Variants in TNR observed in about 807,000 individuals in gnomAD.
TNR encodes tenascin-R.
Under a neutral mutation model 150.4 loss-of-function variants are expected in TNR, and 45 were observed. The observed-to-expected ratio is 0.30, with a 90% CI of 0.24 to 0.38. The LOEUF is 0.38. TNR is among the 10% of genes least tolerant of loss of function. The probability of loss-of-function intolerance (pLI) is 1.00; values close to 1 mark genes in which losing one functional copy is unlikely to be tolerated. For synonymous variants in TNR, 687 were observed against 678.4 expected, an observed-to-expected ratio of 1.01 and a Z score of -0.20; for missense variants, 1,544 against 1,759.1, an observed-to-expected ratio of 0.88 and a Z score of 2.19.
At chr1:175,673,430 G>A (rs938527700) in intron 1 of TNR, among the ~76,000 whole-genome samples, 1 of 152,162 alleles carries the variant, frequency 6.6e-6, no homozygotes, top group African/African-American at 2.4e-5. Flanking sequence ...GAATGTAGAA[G>A]CATTCAGAGG....
At chr1:175,652,866 G>A (rs1468771746) in intron 1 of TNR, among the ~76,000 whole-genome samples, 2 of 152,186 alleles carry the variant, frequency 1.3e-5, no homozygotes, top group African/African-American at 4.8e-5. Context: ...AGAAAAGTGA[G>A]AAAAAGCTGT....
At chr1:175,337,211 GA>G (rs1289210729) in intron 19 of TNR, among the ~76,000 whole-genome samples, 3 of 152,314 alleles carry the variant, frequency 2.0e-5, no homozygotes, top group African/African-American at 7.2e-5. Flanking sequence ...TGCTTTATTA[GA>G]GATGCATTTC....
intron 1 of TNR, among the ~76,000 whole-genome samples, chr1:175,537,337 C>G (rs1021238623): frequency 1.3e-5 from 2 of 152,154 alleles, no homozygotes; most frequent in African/African-American, 4.8e-5. Flanking sequence ...CCCTTCCTTG[C>G]CCGGGTGTGG....
At chr1:175,386,735 A>T (rs1652954490) in intron 7 of TNR, among the ~76,000 whole-genome samples, 1 of 152,194 alleles carries the variant, frequency 6.6e-6, no homozygotes, top group African/African-American at 2.4e-5. Flanking sequence ...TAAACATCCA[A>T]GACTTCCAGA....
At chr1:175,424,520 G>C (rs759551430) in intron 2 of TNR, among the ~76,000 whole-genome samples, 17 of 152,222 alleles carry the variant, frequency 1.1e-4, no homozygotes, top group Non-Finnish European at 1.8e-4. Context: ...GGGGCATTTT[G>C]TTTGGTCCTG....
chr1:175,497,851 G>A lies in TNR; in HGVS notation c.-64+30418C>T, dbSNP rs555421254. On this transcript the variant is annotated intron_variant, in intron 2 of 22. Transcript: ENST00000367674. ...GAGGTGGGCAGATCATCTTAGGTCA[G>A]GAGTTTGAGACCAGCCTGGCCAACA... Among the ~76,000 whole-genome samples, 6 of 152,268 alleles carry A rather than the reference G, an allele frequency of 3.9e-5. No individual in the cohort carries two copies. In the South Asian group the frequency reaches 1.2e-3, roughly 32 times the overall value.
chr1:175,500,766 C>A (rs898189102), intron 2 of TNR, among the ~76,000 whole-genome samples: 13 of 152,212 alleles, frequency 8.5e-5, no homozygotes, highest in African/African-American at 3.1e-4. Flanking sequence ...TCTCCCTGTT[C>A]AAAGGGGCTG....
intron 1 of TNR, among the ~76,000 whole-genome samples, chr1:175,668,855 C>G (rs1665607583): frequency 6.6e-6 from 1 of 152,202 alleles, no homozygotes; most frequent in East Asian, 1.9e-4. Context: ...GATATGTACT[C>G]AGATCTGTTT....
At chr1:175,447,120 C>G (rs185836041) in intron 2 of TNR, among the ~76,000 whole-genome samples, 1 of 151,860 alleles carries the variant, frequency 6.6e-6, no homozygotes, top group Admixed American at 6.6e-5. Flanking sequence ...ACACTGCCCC[C>G]GGGACACAAG....
At chr1:175,539,997 A>G (rs1660440290) in intron 1 of TNR, among the ~76,000 whole-genome samples, 1 of 152,170 alleles carries the variant, frequency 6.6e-6, no homozygotes, top group African/African-American at 2.4e-5. Flanking sequence ...GATAAAGAAG[A>G]CAAGTTGAAT....
chr1:175,514,199 C>G (rs115642727), intron 2 of TNR, among the ~76,000 whole-genome samples: 52 of 152,164 alleles, frequency 3.4e-4, no homozygotes, highest in Non-Finnish European at 4.9e-4. Flanking sequence ...CACAAGGGTC[C>G]CTAAAAGTGG....
intron 2 of TNR, among the ~76,000 whole-genome samples, chr1:175,445,120 A>G (rs1655981774): frequency 6.6e-6 from 1 of 152,184 alleles, no homozygotes; most frequent in Non-Finnish European, 1.5e-5. Context: ...AACACAAAAA[A>G]TTAGCTAGGT....
intron 2 of TNR, among the ~76,000 whole-genome samples, chr1:175,450,456 C>T (rs1251891263): frequency 2.0e-5 from 3 of 152,218 alleles, no homozygotes; most frequent in East Asian, 1.9e-4. Context: ...CCCTGATAGC[C>T]GAGGACCTCT....
At chr1:175,333,188 GT>G (rs1444492466) in intron 20 of TNR, 2 of 151,974 alleles carry the variant, frequency 1.3e-5, no homozygotes, top group African/African-American at 4.8e-5. Flanking sequence ...TATTTTTGAG[GT>G]TTTCTTTTTT....
chr1:175,607,525 A>G (rs1488584810), intron 1 of TNR, among the ~76,000 whole-genome samples: 1 of 152,178 alleles, frequency 6.6e-6, no homozygotes, highest in Non-Finnish European at 1.5e-5. Context: ...CCTGACCTAT[A>G]TTGTACTGGC....
intron 1 of TNR, among the ~76,000 whole-genome samples, chr1:175,661,894 G>C (rs904689298): frequency 6.9e-6 from 1 of 144,176 alleles, no homozygotes; most frequent in Admixed American, 7.5e-5. Context: ...GCAGCTCTCC[G>C]GCCTTGAGAG....
chr1:175,708,018 T>C (rs4652112), intron 1 of TNR, among the ~76,000 whole-genome samples: 1 of 144,654 alleles, frequency 6.9e-6, no homozygotes, highest in African/African-American at 2.5e-5. Context: ...ATGTGTGTGT[T>C]TGTGTGTGTG....
chr1:175,535,018 C>T (rs557100935), intron 1 of TNR, among the ~76,000 whole-genome samples: 1 of 152,274 alleles, frequency 6.6e-6, no homozygotes, highest in African/African-American at 2.4e-5. Flanking sequence ...TTGTAAGTTT[C>T]CTGATCTGTG....
At chr1:175,341,483 CAGA>C (rs1209944398) in intron 18 of TNR, among the ~76,000 whole-genome samples, 14 of 152,162 alleles carry the variant, frequency 9.2e-5, no homozygotes, top group African/African-American at 2.9e-4. Context: ...TGGCGTTCAC[CAGA>C]AGAATTGCTC....
Sources: gnomAD v4.1 joint callset for allele counts (sites outside exome capture counted in the v4.1 genomes callset) on GRCh38, gnomAD v4.1.1 for gene constraint, MANE v1.5 for transcripts, NCBI Gene and HGNC (gene_info 2026-07-23, HGNC 2026-07-21) for gene names.